Variants in RBMS3 observed in about 807,000 individuals in gnomAD.
The protein encoded by RBMS3 is RNA-binding motif, single-stranded-interacting protein 3.
Under a neutral mutation model 66.8 loss-of-function variants are expected in RBMS3, and 27 were observed. That is an observed-to-expected ratio of 0.40 (90% CI 0.30 to 0.56). RBMS3 has a LOEUF of 0.56. Among genes scored for constraint, RBMS3 ranks in the 20% least tolerant of loss-of-function variants. The pLI is 0.40. For synonymous variants in RBMS3, 188 were observed against 183.0 expected, an observed-to-expected ratio of 1.03 and a Z score of -0.22; for missense variants, 513 against 549.5, an observed-to-expected ratio of 0.93 and a Z score of 0.66.
chr3:29,717,211 A>G lies in RBMS3; in HGVS notation c.400-22509A>G, dbSNP rs555791294. ...TAAATATAAGTATTAAAGGTAATGC[A>G]ACGCACAGTGCTCAATACATAATAA... is the stretch of plus-strand genomic sequence containing the variant. On this transcript the variant is annotated intron_variant, in intron 4 of 14. Transcript: ENST00000383767. Among the ~76,000 whole-genome samples, 4 of 152,218 alleles carry G rather than the reference A, an allele frequency of 2.6e-5. No homozygotes were observed. In the South Asian group the frequency reaches 8.3e-4, roughly 32 times the overall value.
At chr3:29,503,843 C>T (rs1175722177) in intron 3 of RBMS3, among the ~76,000 whole-genome samples, 1 of 152,072 alleles carries the variant, frequency 6.6e-6, no homozygotes, top group Non-Finnish European at 1.5e-5. Context: ...GGCATGGCAT[C>T]CCTGTTCCTC....
chr3:29,720,792 C>T (rs1398078418), intron 4 of RBMS3, among the ~76,000 whole-genome samples: 2 of 151,404 alleles, frequency 1.3e-5, no homozygotes, highest in Non-Finnish European at 2.9e-5. Context: ...TCTGGAGGAT[C>T]GGTCAACGAC....
chr3:29,921,305 CTG>C (rs1225804494), intron 10 of RBMS3, among the ~76,000 whole-genome samples: 2 of 151,882 alleles, frequency 1.3e-5, no homozygotes, highest in African/African-American at 4.8e-5. Context: ...CTCAAGTGAT[CTG>C]CCTGCCTCAG....
At chr3:29,548,040 C>T (rs969547380) in intron 3 of RBMS3, among the ~76,000 whole-genome samples, 5 of 151,834 alleles carry the variant, frequency 3.3e-5, no homozygotes, top group African/African-American at 9.7e-5. Context: ...AGTGATCTGC[C>T]CGCCTCAGCC....
At chr3:29,477,108 T>C (rs950362167) in intron 2 of RBMS3, among the ~76,000 whole-genome samples, 7 of 152,206 alleles carry the variant, frequency 4.6e-5, no homozygotes, top group African/African-American at 1.7e-4. Flanking sequence ...TGAGTGTCCT[T>C]GAAGTTTTAA....
chr3:29,313,666 G>A (rs965626811), intron 1 of RBMS3, among the ~76,000 whole-genome samples: 12 of 151,662 alleles, frequency 7.9e-5, no homozygotes, highest in Admixed American at 4.0e-4. Context: ...AAAATCCTAC[G>A]CCTTATGGTA....
At chr3:29,741,101 T>C (rs1433894493) in intron 5 of RBMS3, among the ~76,000 whole-genome samples, 4 of 151,914 alleles carry the variant, frequency 2.6e-5, no homozygotes, top group African/African-American at 9.7e-5. Context: ...CTTTAGAAGA[T>C]AACAAATCGT....
At chr3:29,409,641 A>G (rs1032488188) in intron 1 of RBMS3, among the ~76,000 whole-genome samples, 4 of 152,246 alleles carry the variant, frequency 2.6e-5, no homozygotes, top group Non-Finnish European at 5.9e-5. Context: ...GGGAGTGCTT[A>G]TCTAACCACT....
At chr3:29,796,799 A>C (rs181181785) in intron 6 of RBMS3, among the ~76,000 whole-genome samples, 1 of 139,702 alleles carries the variant, frequency 7.2e-6, no homozygotes, top group Admixed American at 7.8e-5. Flanking sequence ...TGCAACCTCC[A>C]CCTCCTGGGT....
At chr3:29,368,750 G>T (rs1381075231) in intron 1 of RBMS3, among the ~76,000 whole-genome samples, 1 of 152,090 alleles carries the variant, frequency 6.6e-6, no homozygotes, top group East Asian at 1.9e-4. Context: ...CAATCATTGT[G>T]GAAAACAGTG....
At chr3:29,545,596 A>T (rs558295934) in intron 3 of RBMS3, among the ~76,000 whole-genome samples, 2 of 152,336 alleles carry the variant, frequency 1.3e-5, no homozygotes, top group African/African-American at 4.8e-5. Context: ...ATCATGACAC[A>T]AATTATTCAA....
intron 3 of RBMS3, among the ~76,000 whole-genome samples, chr3:29,537,881 A>G (rs1385746496): frequency 2.0e-5 from 3 of 152,058 alleles, no homozygotes; most frequent in East Asian, 1.9e-4. Flanking sequence ...ATGACTTTGA[A>G]TCTTTTCCAT....
In RBMS3 at chr3:29,432,802, C is replaced by T. The variant is rs540139162; in HGVS notation, c.76-1941C>T. On this transcript the variant is annotated intron_variant, in intron 1 of 14. Transcript: ENST00000383767. ...ATCAGAAGGATGGATTAGAGCCAGC[C>T]GAGTAGAGTGGGGCTGAGAATGGGA... Among the ~76,000 whole-genome samples the T allele has an allele frequency of 3.3e-5, 5 of 152,154 alleles. No individual in the cohort carries two copies. The East Asian group carries it at 7.7e-4, about 23-fold the overall frequency.
At chr3:29,359,600 G>A (rs948982995) in intron 1 of RBMS3, among the ~76,000 whole-genome samples, 4 of 152,248 alleles carry the variant, frequency 2.6e-5, no homozygotes, top group African/African-American at 9.6e-5. Flanking sequence ...TCTACTGATT[G>A]GAATAGTTTC....
At position 30,008,334 on chromosome 3, in the gene RBMS3, A is replaced by T. The variant is rs1699858765; in HGVS notation, c.*4472A>T. The T allele has an allele frequency of 7.7e-6, 1 of 130,048 alleles. No homozygotes were observed. Among genetic ancestry groups the T allele is most frequent in the Admixed American group, 8.2e-5 (1 of 12,150 alleles). 8.1% of individuals were successfully genotyped at this position (130,048 alleles called of 1,614,324 possible). A position where few individuals can be genotyped will look rare whatever the true frequency, so the allele number is the denominator to read the frequency against. On this transcript the variant is annotated 3_prime_UTR_variant, in exon 15 of 15. Transcript: ENST00000383767. ...ATGAACCACTGCAGATGAGCTGATA[A>T]GCAGAAATTCTCAAGTGGGTTTCAC...
At chr3:29,695,930 A>C (rs1206471971) in intron 4 of RBMS3, among the ~76,000 whole-genome samples, 1 of 152,176 alleles carries the variant, frequency 6.6e-6, no homozygotes, top group Non-Finnish European at 1.5e-5. Flanking sequence ...GAACTGGTCA[A>C]ATTGAGCAGT....
intron 6 of RBMS3, among the ~76,000 whole-genome samples, chr3:29,854,568 T>A (rs1357953331): frequency 1.3e-5 from 2 of 152,216 alleles, no homozygotes; most frequent in African/African-American, 2.4e-5. Flanking sequence ...GTTGGAGAAT[T>A]GTTTCATTTC....
At chr3:29,480,433 G>T (rs925721603) in intron 2 of RBMS3, among the ~76,000 whole-genome samples, 1 of 152,168 alleles carries the variant, frequency 6.6e-6, no homozygotes, top group Non-Finnish European at 1.5e-5. Context: ...TGGAAGAGAA[G>T]GGGTAAGTGA....
At chr3:29,344,698 C>T (rs2036473231) in intron 1 of RBMS3, among the ~76,000 whole-genome samples, 1 of 152,056 alleles carries the variant, frequency 6.6e-6, no homozygotes, top group Admixed American at 6.6e-5. Flanking sequence ...GACCACAAGG[C>T]AAGGGATTGA....
Sources: allele counts gnomAD v4.1 joint callset (sites outside exome capture counted in the v4.1 genomes callset), GRCh38; gene constraint gnomAD v4.1.1; transcripts MANE v1.5; gene names NCBI Gene and HGNC (gene_info 2026-07-23, HGNC 2026-07-21).